Variants in IPO13 observed in about 807,000 individuals in gnomAD.
The protein encoded by IPO13 is importin 13, also known as importin-13.
IPO13 carries 28 observed loss-of-function variants against 115.5 expected under a neutral mutation model. That is an observed-to-expected ratio of 0.24 (90% CI 0.18 to 0.33). The LOEUF is 0.33. IPO13 is among the 10% of genes least tolerant of loss of function. IPO13 has a pLI of 1.00. For missense variants in IPO13, 785 were observed against 1,204.6 expected (o/e 0.65, Z 5.16); for synonymous variants, 414 against 478.9 (o/e 0.86, Z 1.77).
intron 7 of IPO13, 152 bp downstream of exon 7, chr1:43,957,701 G>A: frequency 3.9e-6 from 4 of 1,033,090 alleles, no homozygotes; most frequent in Non-Finnish European, 5.7e-6. Flanking sequence ...GGCAGGTCTA[G>A]GGGGTCCATC....
At position 43,958,518 on chromosome 1, in the gene IPO13, G is replaced by A. The variant is rs2085267442; in HGVS notation, c.1807G>A (p.Val603Met). Residue 603 changes from valine to methionine, a missense_variant, in exon 10 of 20, where the codon GTG becomes ATG. Physicochemically the swap from Val to Met is conservative, Grantham distance 21. Transcript: ENST00000372343. The surrounding 1 kb of genome is among the most constrained non-coding windows in gnomAD (Gnocchi z 6.3). ...ALGFLLSALQVEEILKNLHSL... is the reference protein window; with the variant it reads ...ALGFLLSALQMEEILKNLHSL... ...GGGCTTCCTGCTGTCAGCTCTTCAA[G>A]TGGAGGAGATCCTTAAGAACCTGCA... is the stretch of plus-strand genomic sequence containing the variant. 1.2e-6 allele frequency: 2 copies of A among 1,614,174 alleles called. No homozygotes were observed. The highest frequency in any genetic ancestry group is 1.7e-6 in the Non-Finnish European group (2 of 1,180,048).
intron 15 of IPO13, among the ~76,000 whole-genome samples, chr1:43,965,266 G>T (rs2085314552): frequency 6.6e-6 from 1 of 152,120 alleles, no homozygotes; most frequent in South Asian, 2.1e-4. Flanking sequence ...CCCCTAACCT[G>T]TGAATTGGGG....
Position 43,957,480 on chromosome 1 carries a change from C to G in IPO13, c.1471C>G (p.Leu491Val). ...CAACTATTCTGATGTGGTGCCTGGG[C>G]TCATTGGCCTCATCCCACGGATCAG... Reference protein sequence around the residue: ...DVNYSDVVPGLIGLIPRISIS... With the variant: ...DVNYSDVVPGVIGLIPRISIS... The change falls in exon 7 of 20, where the codon CTC becomes GTC. Residue 491 changes from leucine to valine, a missense_variant. Transcript: ENST00000372343. The G allele has an allele frequency of 6.2e-7, 1 of 1,614,238 alleles. No individual in the cohort carries two copies. The highest frequency in any genetic ancestry group is 1.3e-5 in the African/African-American group (1 of 75,058).
At chr1:43,963,777 C>T (rs932531960) in intron 14 of IPO13, among the ~76,000 whole-genome samples, 4 of 152,194 alleles carry the variant, frequency 2.6e-5, no homozygotes, top group Non-Finnish European at 4.4e-5. Context: ...GGCTCTGATG[C>T]CCTGGCCTTT....
chr1:43,953,590 C>T (rs919762660), intron 2 of IPO13: 1 of 152,250 alleles, frequency 6.6e-6, no homozygotes, highest in Admixed American at 6.5e-5. Flanking sequence ...ACTCCTGGGT[C>T]ATCCAGGCAC....
rs1013142200 is a variant in IPO13 at position 43,946,950 on chromosome 1, G to GCTTGT, written c.-644_-640dup. On this transcript the variant is annotated 5_prime_UTR_variant, in exon 1 of 20. Coordinates refer to ENST00000372343, the MANE Select transcript of IPO13 (RefSeq NM_014652.4). ...TCCCTGCCCCGTCCCGGCCGGCCTG[G>GCTTGT]CTTGTCTTGTCAGTCACTGGGGCGG... 2.5e-6 allele frequency: 1 copy of GCTTGT among 398,062 alleles called. No homozygotes were observed. The highest frequency in any genetic ancestry group is 2.1e-5 in the African/African-American group (1 of 48,760). 24.7% of individuals were successfully genotyped at this position (398,062 alleles called of 1,614,324 possible). A position where few individuals can be genotyped will look rare whatever the true frequency, so the allele number is the denominator to read the frequency against.
chr1:43,961,307 C>A, intron 14 of IPO13, 45 bp downstream of exon 14: 1 of 1,478,510 alleles, frequency 6.8e-7, no homozygotes, highest in Non-Finnish European at 9.5e-7. Flanking sequence ...ACTGCCACTG[C>A]CTCTGCTTCC....
chr1:43,949,957 C>G lies in IPO13; in HGVS notation c.625C>G (p.Leu209Val), dbSNP rs1034090188. The G allele has an allele frequency of 2.5e-6, 4 of 1,610,284 alleles. No individual in the cohort carries two copies. The highest frequency in any genetic ancestry group is 3.4e-6 in the Non-Finnish European group (4 of 1,179,396). ...TGTCTTCCCGCTGCTGGAGCAGCTGCTACAGCAGCCCAGCTCACCCAGCTG... is the reference window on the plus strand; with the variant it reads ...TGTCTTCCCGCTGCTGGAGCAGCTGGTACAGCAGCCCAGCTCACCCAGCTG... ...GAVFPLLEQLLQQPSSPSCVR... is the reference protein window; with the variant it reads ...GAVFPLLEQLVQQPSSPSCVR... Residue 209 changes from leucine (L) to valine (V), a missense_variant, in exon 2 of 20, where the codon CTA becomes GTA. Leu to Val is a conservative substitution (Grantham distance 32). Around this residue, in one of 3 missense-constraint regions of IPO13, gnomAD observed 325 missense variants for 449.8 expected, o/e 0.72. Coordinates refer to ENST00000372343, the MANE Select transcript of IPO13 (RefSeq NM_014652.4).
chr1:43,967,004 C>T lies in IPO13; in HGVS notation c.2598C>T (p.Leu866=), dbSNP rs2154302492. ...TACAGGAAGACGGTCGTATGCTGCTCATAGCAGTGCTGGAGGTGAGACGGA... is the reference window on the plus strand; with the variant it reads ...TACAGGAAGACGGTCGTATGCTGCTTATAGCAGTGCTGGAGGTGAGACGGA... The part of the protein sequence containing the change: ...KVVQEDGRML[L]IAVLEAIGGQ... Residue 866 remains leucine (L), a synonymous_variant, in exon 18 of 20, where the codon CTC becomes CTT. Transcript: ENST00000372343. The surrounding 1 kb of genome is among the most constrained non-coding windows in gnomAD (Gnocchi z 6.1). 1.2e-6 allele frequency: 2 copies of T among 1,613,764 alleles called. No individual in the cohort carries two copies. Among genetic ancestry groups the T allele is most frequent in the South Asian group, 1.1e-5 (1 of 91,064 alleles).
chr1:43,957,109 G>A (rs2085256038), intron 5 of IPO13, 86 bp from the exon 6 acceptor site: 1 of 1,572,286 alleles, frequency 6.4e-7, no homozygotes, highest in African/African-American at 1.4e-5. Context: ...CAGAGTTGTG[G>A]GGGTACTGGG....
In IPO13 at chr1:43,958,282, G is replaced by C. The variant is rs201576884; in HGVS notation, c.1749+14G>C. 1.2e-4 allele frequency: 197 copies of C among 1,614,138 alleles called. 1 individual carries two copies. The African/African-American group carries it at 2.2e-3, about 18-fold the overall frequency. ...CAGATCCACAAGGTGCGGCTCAAAA[G>C]TTTCTAGGGGTCTCCTTGGAGGTCT... On this transcript the variant is annotated intron_variant, in intron 9 of 19. Transcript: ENST00000372343. This position sits in a 1 kb window ranked among gnomAD's most constrained non-coding sequence, Gnocchi z 6.3.
At chr1:43,959,846 G>T (rs867848518) in intron 11 of IPO13, among the ~76,000 whole-genome samples, 6 of 152,192 alleles carry the variant, frequency 3.9e-5, no homozygotes, top group Non-Finnish European at 5.9e-5. Flanking sequence ...CTGCATCTGT[G>T]CATTCCTTGG....
Position 43,958,296 on chromosome 1 carries a change from C to A in IPO13, c.1749+28C>A. ...GCGGCTCAAAAGTTTCTAGGGGTCT[C>A]CTTGGAGGTCTTGTGGGAATCACTT... On this transcript the variant is annotated intron_variant, in intron 9 of 19. Coordinates refer to ENST00000372343, the MANE Select transcript of IPO13 (RefSeq NM_014652.4). The surrounding 1 kb of genome is among the most constrained non-coding windows in gnomAD (Gnocchi z 6.3). The A allele has an allele frequency of 6.2e-7, 1 of 1,613,838 alleles. No individual in the cohort carries two copies. The highest frequency in any genetic ancestry group is 8.5e-7 in the Non-Finnish European group (1 of 1,179,766).
intron 12 of IPO13, 46 bp downstream of exon 12, chr1:43,960,375 G>GGT (rs2085281517): frequency 6.6e-7 from 1 of 1,526,384 alleles, no homozygotes; most frequent in African/African-American, 1.4e-5. Flanking sequence ...ACTGCTCAGA[G>GGT]GTGTAGCAGG....
chr1:43,966,198 G>T lies in IPO13; in HGVS notation c.2398-377G>T, dbSNP rs191200136. The T allele has an allele frequency of 2.3e-5, 8 of 352,072 alleles. No individual in the cohort carries two copies. In the East Asian group the frequency reaches 4.0e-4, roughly 17 times the overall value. 21.8% of individuals were successfully genotyped at this position (352,072 alleles called of 1,614,324 possible). On this transcript the variant is annotated intron_variant, in intron 15 of 19. Transcript: ENST00000372343. This position sits in a 1 kb window ranked among gnomAD's most constrained non-coding sequence, Gnocchi z 4.1. ...TTCCTGCTACCCTGTTCACAAACTGGGGGTGCTTAACTCCCTCTGTGAATC... is the reference window on the plus strand; with the variant it reads ...TTCCTGCTACCCTGTTCACAAACTGTGGGTGCTTAACTCCCTCTGTGAATC...
chr1:43,958,594 T>TA lies in IPO13; in HGVS notation c.1884dup (p.Pro629ThrfsTer29). ...CAACTGGAGAAGCTGGCAGAGGAGA[T>TA]AGTGAGTGAGCTCTGGGGGCCAGGG... On this transcript the variant is annotated frameshift_variant and splice_region_variant, in exon 10 of 20. Coordinates refer to ENST00000372343, the MANE Select transcript of IPO13 (RefSeq NM_014652.4). LOFTEE classifies it high-confidence loss of function. This position sits in a 1 kb window ranked among gnomAD's most constrained non-coding sequence, Gnocchi z 6.3. 1 of 1,613,994 alleles carries TA rather than the reference T, an allele frequency of 6.2e-7. No homozygotes were observed.
chr1:43,957,615 A>G lies in IPO13; in HGVS notation c.1540+66A>G, dbSNP rs143414529. ...ACAGCACCCAACCCTGGCCACAGCCAGCATGCTGGATCCTATCCAGAATGG... is the reference window on the plus strand; with the variant it reads ...ACAGCACCCAACCCTGGCCACAGCCGGCATGCTGGATCCTATCCAGAATGG... On this transcript the variant is annotated intron_variant, in intron 7 of 19. Coordinates refer to ENST00000372343, the MANE Select transcript of IPO13 (RefSeq NM_014652.4). The G allele has an allele frequency of 3.6e-5, 56 of 1,577,382 alleles. No individual in the cohort carries two copies. The African/African-American group carries it at 6.9e-4, about 19-fold the overall frequency.
intron 14 of IPO13, among the ~76,000 whole-genome samples, chr1:43,963,596 A>G (rs2085303697): frequency 6.6e-6 from 1 of 152,014 alleles, no homozygotes; most frequent in Admixed American, 6.5e-5. Flanking sequence ...TGGCCTTATG[A>G]TACTGTTTCC....
At chr1:43,965,062 G>C (rs1274165631) in intron 15 of IPO13, among the ~76,000 whole-genome samples, 1 of 152,076 alleles carries the variant, frequency 6.6e-6, no homozygotes, top group Non-Finnish European at 1.5e-5. Context: ...GGCCTTGATG[G>C]ATTTAGAGCG....
Sources: allele counts gnomAD v4.1 joint callset (sites outside exome capture counted in the v4.1 genomes callset), GRCh38; gene constraint gnomAD v4.1.1; regional missense constraint gnomAD v4.1.1; non-coding constraint Gnocchi (gnomAD v3.1); transcripts MANE v1.5; gene names NCBI Gene and HGNC (gene_info 2026-07-23, HGNC 2026-07-21).